Variants in DMD observed in about 807,000 individuals in gnomAD.
DMD encodes dystrophin.
In DMD, 63 loss-of-function variants were observed where a neutral mutation model predicts 330.1. The observed-to-expected ratio is 0.19, with a 90% CI of 0.16 to 0.24. DMD has a LOEUF of 0.24. Among genes scored for constraint, DMD ranks in the 10% least tolerant of loss-of-function variants. The probability of loss-of-function intolerance (pLI) is 1.00; values close to 1 mark genes in which losing one functional copy is unlikely to be tolerated. For synonymous variants in DMD, 1,223 were observed against 959.8 expected (o/e 1.27, Z -5.07); for missense variants, 3,344 against 2,684.1 (o/e 1.25, Z -5.43).
chrX:32,177,861 CAG>C (rs1491345194), intron 44 of DMD, among the ~76,000 whole-genome samples: 6 of 110,689 alleles, frequency 5.4e-5, no homozygotes, highest in African/African-American at 2.0e-4. Flanking sequence ...AATGATAAAA[CAG>C]AGTGTTGAAA....
intron 12 of DMD, among the ~76,000 whole-genome samples, chrX:32,597,023 G>C (rs1190124392): frequency 1.8e-5 from 2 of 111,556 alleles, no homozygotes; most frequent in African/African-American, 6.5e-5. Context: ...CAGTCTAATT[G>C]TATACCATTC....
At chrX:31,675,931 T>G (rs1569214631) in intron 53 of DMD, among the ~76,000 whole-genome samples, 1 of 112,415 alleles carries the variant, frequency 8.9e-6, no homozygotes, top group African/African-American at 3.2e-5. Context: ...ATTAATTGCT[T>G]TTTGGTATCA....
chrX:32,435,013 T>G (rs2098253975), intron 29 of DMD, among the ~76,000 whole-genome samples: 1 of 93,613 alleles, frequency 1.1e-5, no homozygotes, highest in African/African-American at 3.4e-5. Flanking sequence ...AGTTTACTTA[T>G]TTTAGATTTA....
At chrX:31,338,943 C>CAAAAAAA (rs151110457) in intron 61 of DMD, among the ~76,000 whole-genome samples, 1 of 64,156 alleles carries the variant, frequency 1.6e-5, no homozygotes, top group Non-Finnish European at 2.9e-5. Context: ...CATCTATGCA[C>CAAAAAAA]AAAAAAAAAA....
intron 45 of DMD, among the ~76,000 whole-genome samples, chrX:31,937,246 T>C (rs779523396): frequency 9.0e-6 from 1 of 111,274 alleles, no homozygotes; most frequent in Admixed American, 9.6e-5. Flanking sequence ...AAGTACATTT[T>C]ATAATTAACC....
chrX:33,059,883 T>A (rs1284109947), intron 1 of DMD, among the ~76,000 whole-genome samples: 1 of 112,080 alleles, frequency 8.9e-6, no homozygotes, highest in African/African-American at 3.2e-5. Context: ...TTAATCAATG[T>A]ATTAAATTTT....
At chrX:32,373,045 A>G (rs1044516175) in intron 34 of DMD, among the ~76,000 whole-genome samples, 2 of 110,286 alleles carry the variant, frequency 1.8e-5, no homozygotes, top group African/African-American at 3.3e-5. Flanking sequence ...TCTCTGTGGG[A>G]TCATTAAGAA....
At position 31,269,246 on chromosome X, in the gene DMD, T is replaced by C. The variant is rs1163693535; in HGVS notation, c.9225-8230A>G. ...GGAAAGCATTTGGAAAAGAACATAA[T>C]TGATATACCTTCGTGTCATATGTAA... On this transcript the variant is annotated intron_variant, in intron 62 of 78. Transcript: ENST00000357033. 2.7e-5 allele frequency among the ~76,000 whole-genome samples: 3 copies of C among 112,012 alleles called. No homozygotes were observed. In the East Asian group the frequency reaches 8.3e-4, roughly 31 times the overall value.
chrX:33,070,439 G>A (rs1288422130), intron 1 of DMD, among the ~76,000 whole-genome samples: 1 of 109,828 alleles, frequency 9.1e-6, no homozygotes, highest in East Asian at 2.8e-4. Context: ...CAATTCCTAG[G>A]TTGATGCTTA....
intron 34 of DMD, among the ~76,000 whole-genome samples, chrX:32,373,316 C>G (rs959374151): frequency 1.3e-4 from 14 of 108,824 alleles, no homozygotes; most frequent in African/African-American, 4.6e-4. Flanking sequence ...GATACTCATT[C>G]AAGAAGAAGA....
At chrX:32,293,899 A>T (rs2097484519) in intron 42 of DMD, among the ~76,000 whole-genome samples, 1 of 111,889 alleles carries the variant, frequency 8.9e-6, no homozygotes, top group Admixed American at 9.5e-5. Flanking sequence ...AAAGCCATTG[A>T]ACTCAAGCGT....
At chrX:31,890,604 G>A (rs1334214962) in intron 47 of DMD, among the ~76,000 whole-genome samples, 1 of 111,042 alleles carries the variant, frequency 9.0e-6, no homozygotes, top group African/African-American at 3.3e-5. Context: ...ATTTGCTTAT[G>A]CATCTAAAAA....
At position 32,342,898 on chromosome X, in the gene DMD, A is replaced by C. The variant is rs902319302; in HGVS notation, c.5739+236T>G. ...CAATTACAATTTTACCAGAAAACACATCACATTTCTTAAATCACTTTACAT... is the reference window on the plus strand; with the variant it reads ...CAATTACAATTTTACCAGAAAACACCTCACATTTCTTAAATCACTTTACAT... On this transcript the variant is annotated intron_variant, in intron 40 of 78. Coordinates refer to ENST00000357033, the MANE Select transcript of DMD (RefSeq NM_004006.3). 3 of 439,073 alleles carry C rather than the reference A, an allele frequency of 6.8e-6. No homozygotes were observed. In the Admixed American group the frequency reaches 8.8e-5, roughly 13 times the overall value. The allele number at this position is 439,073 out of a possible 1,213,427, so 36.2% of individuals were successfully genotyped here. A position where few individuals can be genotyped will look rare whatever the true frequency, so the allele number is the denominator to read the frequency against.
chrX:31,326,999 T>C (rs1014668023), intron 61 of DMD, among the ~76,000 whole-genome samples: 2 of 112,300 alleles, frequency 1.8e-5, no homozygotes, highest in Non-Finnish European at 3.8e-5. Flanking sequence ...TGTCCATTTT[T>C]AGTAGCCCAT....
chrX:33,321,470 G>A (rs917288457), intron 1 of DMD, among the ~76,000 whole-genome samples: 2 of 110,954 alleles, frequency 1.8e-5, no homozygotes, highest in Non-Finnish European at 3.8e-5. Flanking sequence ...TCTCAACCCC[G>A]GGCTTAAAAT....
intron 60 of DMD, among the ~76,000 whole-genome samples, chrX:31,355,939 G>A (rs1252386204): frequency 6.3e-5 from 7 of 110,873 alleles, no homozygotes; most frequent in African/African-American, 2.3e-4. Flanking sequence ...CCAGAGTGCT[G>A]GGATTACAGG....
chrX:31,388,962 G>T (rs1192614566), intron 60 of DMD, among the ~76,000 whole-genome samples: 1 of 112,486 alleles, frequency 8.9e-6, no homozygotes. Context: ...CTGAATCTCA[G>T]CATCCTATTA....
chrX:31,655,064 A>T (rs925552714), intron 54 of DMD, among the ~76,000 whole-genome samples: 1 of 111,871 alleles, frequency 8.9e-6, no homozygotes, highest in Non-Finnish European at 1.9e-5. Flanking sequence ...CACAGTAAAT[A>T]ATTATTATAA....
chrX:32,321,056 T>A (rs2097611317), intron 41 of DMD, among the ~76,000 whole-genome samples: 2 of 111,942 alleles, frequency 1.8e-5, no homozygotes. Context: ...TGAAGATAAT[T>A]AATTTAAAAA....
Sources: allele counts gnomAD v4.1 joint callset (sites outside exome capture counted in the v4.1 genomes callset), GRCh38; gene constraint gnomAD v4.1.1; transcripts MANE v1.5; gene names NCBI Gene and HGNC (gene_info 2026-07-23, HGNC 2026-07-21).